Variants in SLC1A5 observed in about 807,000 individuals in gnomAD.
SLC1A5 encodes the protein solute carrier family 1 member 5.
SLC1A5 carries 25 observed loss-of-function variants against 34.9 expected under a neutral mutation model. The observed-to-expected ratio is 0.72, with a 90% CI of 0.52 to 1.00. The LOEUF is 1.00. Among genes scored for constraint, SLC1A5 ranks in the 50% least tolerant of loss-of-function variants. The pLI, the probability that SLC1A5 is intolerant of heterozygous loss-of-function variation, is 0.00. For missense variants in SLC1A5, 637 were observed against 740.0 expected (o/e 0.86, Z 1.61); for synonymous variants, 351 against 341.2 (o/e 1.03, Z -0.32).
intron 4 of SLC1A5, 45 bp downstream of exon 4, chr19:46,782,338 A>ACCCAGCCACCCCCCCCCCCCCCCCCC: frequency 9.9e-7 from 1 of 1,009,384 alleles, no homozygotes; most frequent in Non-Finnish European, 1.5e-6. Flanking sequence ...CAGCAGACCG[A>ACCCAGCCACCCCCCCCCCCCCCCCCC]CCCTCCAACC....
Position 46,778,942 on chromosome 19 carries a change from C to T in SLC1A5, c.825-34G>A, listed in dbSNP as rs1362677511. 5 of 1,482,054 alleles carry T rather than the reference C, an allele frequency of 3.4e-6. No individual in the cohort carries two copies. In the South Asian group the frequency reaches 4.0e-5, roughly 12 times the overall value. The allele number at this position is 1,482,054 out of a possible 1,614,324, so 91.8% of individuals were successfully genotyped here. A position where few individuals can be genotyped will look rare whatever the true frequency, so the allele number is the denominator to read the frequency against. On this transcript the variant is annotated intron_variant, in intron 4 of 7. Coordinates refer to ENST00000542575, the MANE Select transcript of SLC1A5 (RefSeq NM_005628.3). Reference sequence around the variant, plus strand: ...TAACACAGGAGACAGCTTGTTGCCTCTTCCACGGGCCCAGTGGCCAGGCGT... The same window carrying T: ...TAACACAGGAGACAGCTTGTTGCCTTTTCCACGGGCCCAGTGGCCAGGCGT...
Position 46,777,299 on chromosome 19 carries a change from C to T in SLC1A5, c.1165G>A (p.Gly389Ser), listed in dbSNP as rs1277328170. 2 of 1,613,732 alleles carry T rather than the reference C, an allele frequency of 1.2e-6. No individual in the cohort carries two copies. The highest frequency in any genetic ancestry group is 1.7e-6 in the Non-Finnish European group (2 of 1,179,974). Residue 389 changes from glycine to serine, a missense_variant, in exon 6 of 8, where the codon GGT (glycine) becomes AGT (serine). Gly to Ser is a moderately conservative substitution (Grantham distance 56). Coordinates refer to ENST00000542575, the MANE Select transcript of SLC1A5 (RefSeq NM_005628.3). ...LPIGATVNMD[G>S]AALFQCVAAV... ...GCCACGCACTGGAAGAGCGCGGCACCGTCCATGTTGACGGTGGCGCCGATG... is the reference window on the plus strand; with the variant it reads ...GCCACGCACTGGAAGAGCGCGGCACTGTCCATGTTGACGGTGGCGCCGATG...
chr19:46,787,684 C>T lies in SLC1A5; in HGVS notation c.282G>A (p.Glu94=). The change falls in exon 1 of 8, where the codon GAG becomes GAA. Residue 94 remains glutamate (E), a synonymous_variant. Coordinates refer to ENST00000542575, the MANE Select transcript of SLC1A5 (RefSeq NM_005628.3). This position sits in a 1 kb window ranked among gnomAD's most constrained non-coding sequence, Gnocchi z 5.2. ...TCATCCGCAGCAGACGCAGCAGCAG[C>T]TCGCCCGGGAAGACGAAGGCGCTCA... ...ERLSAFVFPG[E]LLLRLLRMII... is the part of the protein sequence containing the mutation. 2 of 1,591,958 alleles carry T rather than the reference C, an allele frequency of 1.3e-6. No individual in the cohort carries two copies. Among genetic ancestry groups the T allele is most frequent in the African/African-American group, 1.3e-5 (1 of 74,818 alleles).
chr19:46,781,250 G>A (rs1432704464), intron 4 of SLC1A5, among the ~76,000 whole-genome samples: 5 of 152,194 alleles, frequency 3.3e-5, no homozygotes, highest in Admixed American at 3.3e-4. Flanking sequence ...AACTTCAGGT[G>A]GGTTTATTAT....
At chr19:46,775,839 C>A in intron 7 of SLC1A5, 92 bp from the exon 8 acceptor site, 1 of 1,328,270 alleles carries the variant, frequency 7.5e-7, no homozygotes, top group Non-Finnish European at 1.0e-6. Flanking sequence ...GCCTCTCTCC[C>A]CCTGGAATCT....
At chr19:46,784,037 C>A in intron 3 of SLC1A5, 60 bp downstream of exon 3, 2 of 1,406,082 alleles carry the variant, frequency 1.4e-6, no homozygotes, top group Non-Finnish European at 2.0e-6. Flanking sequence ...AGAAATAAAA[C>A]CAAAAAATTA....
intron 5 of SLC1A5, 121 bp downstream of exon 5, chr19:46,778,554 G>A: frequency 1.5e-6 from 1 of 678,030 alleles, no homozygotes; most frequent in Non-Finnish European, 2.5e-6. Context: ...AGGACCTTAT[G>A]AGAATCTCCT....
chr19:46,785,464 C>T (rs2055180029), intron 1 of SLC1A5, among the ~76,000 whole-genome samples: 1 of 152,212 alleles, frequency 6.6e-6, no homozygotes, highest in South Asian at 2.1e-4. Flanking sequence ...CAAATTAACC[C>T]ATTTCATCCT....
chr19:46,775,635 C>T lies in SLC1A5; in HGVS notation c.1501G>A (p.Val501Met), dbSNP rs2055081048. 6.2e-7 allele frequency: 1 copy of T among 1,614,150 alleles called. No homozygotes were observed. The highest frequency in any genetic ancestry group is 8.5e-7 in the Non-Finnish European group (1 of 1,180,024). Reference protein sequence around the residue: ...SRSTEPELIQVKSELPLDPLP... With the variant: ...SRSTEPELIQMKSELPLDPLP... The stretch of plus-strand genomic sequence containing the variant: ...GGATCCAGGGGCAGCTCACTCTTCA[C>T]TTGTATCAACTCAGGCTCTGTGCTT... Residue 501 changes from valine (V) to methionine (M), a missense_variant, in exon 8 of 8, where the codon GTG becomes ATG. By Grantham distance (21) the Val-to-Met change is conservative. Coordinates refer to ENST00000542575, the MANE Select transcript of SLC1A5 (RefSeq NM_005628.3).
intron 4 of SLC1A5, 38 bp downstream of exon 4, chr19:46,782,345 A>ACCCCCCCCCCCCCCCCCCCCCCCCCCC: frequency 3.4e-6 from 1 of 292,426 alleles, no homozygotes; most frequent in Non-Finnish European, 6.7e-6. Context: ...CCGACCCTCC[A>ACCCCCCCCCCCCCCCCCCCCCCCCCCC]ACCCCACCCA....
At chr19:46,783,465 T>C (rs2055162929) in intron 3 of SLC1A5, among the ~76,000 whole-genome samples, 3 of 65,052 alleles carry the variant, frequency 4.6e-5, no homozygotes, top group East Asian at 6.4e-4. Context: ...AAATTCTGTC[T>C]CAAAAAAAAA....
chr19:46,775,830 C>A, intron 7 of SLC1A5, 83 bp from the exon 8 acceptor site: 1 of 1,377,414 alleles, frequency 7.3e-7, no homozygotes, highest in Non-Finnish European at 9.7e-7. Context: ...AAGCCTCCTG[C>A]CTCTCTCCCC....
intron 7 of SLC1A5, 144 bp downstream of exon 7, chr19:46,776,831 A>C: frequency 2.3e-6 from 2 of 855,220 alleles, no homozygotes; most frequent in Non-Finnish European, 3.6e-6. Context: ...GCCCTCAGGA[A>C]TGCTCAAGGT....
rs767079587 is a variant in SLC1A5 at position 46,777,427 on chromosome 19, A to G, written c.1059-22T>C. The G allele has an allele frequency of 2.5e-6, 4 of 1,589,224 alleles. No homozygotes were observed. In the South Asian group the frequency reaches 4.6e-5, roughly 18 times the overall value. ...GGAACTGCAAGGGATGGGGGAGCTG[A>G]GTTAGGTTAACCTGCTGACCGGGGC... is the stretch of plus-strand genomic sequence containing the variant. On this transcript the variant is annotated intron_variant, in intron 5 of 7. Coordinates refer to ENST00000542575, the MANE Select transcript of SLC1A5 (RefSeq NM_005628.3).
rs1599729670 is a variant in SLC1A5 at position 46,778,564 on chromosome 19, T to C, written c.1058+111A>G. The C allele has an allele frequency of 8.3e-6, 6 of 721,880 alleles. No homozygotes were observed. The East Asian group carries it at 1.6e-4, about 19-fold the overall frequency. 44.7% of individuals were successfully genotyped at this position (721,880 alleles called of 1,614,324 possible). On this transcript the variant is annotated intron_variant, in intron 5 of 7. Transcript: ENST00000542575. The stretch of plus-strand genomic sequence containing the variant: ...AATCCAGGACCTTATGAGAATCTCC[T>C]GAAGTATGGCCCCTGTACCCAGATA...
chr19:46,779,720 C>T lies in SLC1A5; in HGVS notation c.825-812G>A, dbSNP rs531077234. Among the ~76,000 whole-genome samples the T allele has an allele frequency of 3.0e-4, 46 of 151,430 alleles. No individual in the cohort carries two copies. In the Middle Eastern group the frequency reaches 0.01, roughly 34 times the overall value. On this transcript the variant is annotated intron_variant, in intron 4 of 7. Transcript: ENST00000542575. ...CTCGAGACCAGCTTGGGCAACACAG[C>T]GAGACCCAGTCTCTACAAAAAATAA...
intron 4 of SLC1A5, among the ~76,000 whole-genome samples, chr19:46,780,038 G>C (rs899325641): frequency 4.6e-5 from 7 of 152,108 alleles, no homozygotes; most frequent in African/African-American, 1.7e-4. Flanking sequence ...ATTTTTAGTA[G>C]AGACAGGGTT....
intron 4 of SLC1A5, 44 bp downstream of exon 4, chr19:46,782,339 C>CCCGG: frequency 1.2e-6 from 1 of 831,056 alleles, no homozygotes. Flanking sequence ...AGCAGACCGA[C>CCCGG]CCTCCAACCC....
At position 46,777,011 on chromosome 19, in the gene SLC1A5, T is replaced by G. The variant is rs200699216; in HGVS notation, c.1352A>C (p.Asp451Ala). ...IILEAVNLPV[D>A]HISLILAVDW... The stretch of plus-strand genomic sequence containing the variant: ...CACAGCCAGGATCAAGGAGATATGG[T>G]CGACCGGGAGGTTGACTGCTTCGAG... The change falls in exon 7 of 8, where the codon GAC becomes GCC. Residue 451 changes from aspartate to alanine, a missense_variant. By Grantham distance (126) the Asp-to-Ala change is moderately radical. Transcript: ENST00000542575. The G allele has an allele frequency of 3.9e-5, 63 of 1,613,824 alleles. 1 individual carries two copies. The Admixed American group carries it at 1.0e-3, about 26-fold the overall frequency.
Sources: allele counts gnomAD v4.1 joint callset (sites outside exome capture counted in the v4.1 genomes callset), GRCh38; gene constraint gnomAD v4.1.1; non-coding constraint Gnocchi (gnomAD v3.1); transcripts MANE v1.5; gene names NCBI Gene and HGNC (gene_info 2026-07-23, HGNC 2026-07-21).